Variants in SERPINB7 observed in about 807,000 individuals in gnomAD.
SERPINB7 encodes the protein serpin family B member 7.
In SERPINB7, 31 loss-of-function variants were observed where a neutral mutation model predicts 37.4. That is an observed-to-expected ratio of 0.83 (90% CI 0.62 to 1.12). The LOEUF is 1.12. SERPINB7 is among the 50% of genes most tolerant of loss of function. The pLI is 0.00. For synonymous variants in SERPINB7, 163 were observed against 166.1 expected (o/e 0.98, Z 0.14); for missense variants, 521 against 455.3 (o/e 1.14, Z -1.31).
intron 1 of SERPINB7, among the ~76,000 whole-genome samples, chr18:63,768,853 A>G (rs1255054797): frequency 1.3e-5 from 2 of 152,076 alleles, no homozygotes; most frequent in African/African-American, 4.8e-5. Context: ...CTTTGTTACC[A>G]TAAATCAGAT....
intron 1 of SERPINB7, among the ~76,000 whole-genome samples, chr18:63,766,153 C>A (rs2049179567): frequency 6.6e-6 from 1 of 152,154 alleles, no homozygotes; most frequent in South Asian, 2.1e-4. Context: ...ACAGAAGCTT[C>A]TACTTGCATG....
intron 4 of SERPINB7, among the ~76,000 whole-genome samples, chr18:63,794,719 CA>C (rs11325454): frequency 0.33 from 48,915 of 148,868 alleles, 8,117 homozygotes; most frequent in East Asian, 0.49. Context: ...AACAAAAAAA[CA>C]AAAAAAAAAT....
chr18:63,803,459 T>C (rs1018993650), intron 7 of SERPINB7, among the ~76,000 whole-genome samples: 2 of 152,222 alleles, frequency 1.3e-5, no homozygotes, highest in African/African-American at 4.8e-5. Context: ...TTCTAAACAA[T>C]GTTTATGAAA....
chr18:63,804,783 A>G lies in SERPINB7; in HGVS notation c.*148A>G. 1 of 749,510 alleles carries G rather than the reference A, an allele frequency of 1.3e-6. No homozygotes were observed. The highest frequency in any genetic ancestry group is 2.1e-6 in the Non-Finnish European group (1 of 472,616). 46.4% of individuals were successfully genotyped at this position (749,510 alleles called of 1,614,324 possible). On this transcript the variant is annotated 3_prime_UTR_variant, in exon 8 of 8. Coordinates refer to ENST00000398019, the MANE Select transcript of SERPINB7 (RefSeq NM_003784.4). ...GTCAGCAGATGACACTGGTGACTTGACCCTTCCTAGACACCTGGTTGATTG... is the reference window on the plus strand; with the variant it reads ...GTCAGCAGATGACACTGGTGACTTGGCCCTTCCTAGACACCTGGTTGATTG...
intron 4 of SERPINB7, among the ~76,000 whole-genome samples, chr18:63,795,292 A>G (rs2658457): frequency 0.37 from 56,384 of 151,980 alleles, 11,668 homozygotes; most frequent in African/African-American, 0.56. Context: ...CAGGCGTGGT[A>G]GCTCATGCCT....
Position 63,804,536 on chromosome 18 carries a change from A to G in SERPINB7, c.1044A>G (p.Gln348=), listed in dbSNP as rs764588894. 1.2e-6 allele frequency: 2 copies of G among 1,613,116 alleles called. No individual in the cohort carries two copies. Among genetic ancestry groups the G allele is most frequent in the Non-Finnish European group, 1.7e-6 (2 of 1,179,522 alleles). Reference sequence around the variant, plus strand: ...CAGGAAGTAATATTGTAGAAAAGCAACTCCCTCAGTCCACGCTGTTTAGAG... The same window carrying G: ...CAGGAAGTAATATTGTAGAAAAGCAGCTCCCTCAGTCCACGCTGTTTAGAG... ...AATGSNIVEK[Q]LPQSTLFRAD... Residue 348 remains glutamine (Q), a synonymous_variant, in exon 8 of 8, where the codon CAA becomes CAG. Coordinates refer to ENST00000398019, the MANE Select transcript of SERPINB7 (RefSeq NM_003784.4).
In SERPINB7 at chr18:63,767,953, A is replaced by G. The variant is rs555228105; in HGVS notation, c.-18-14402A>G. Among the ~76,000 whole-genome samples the G allele has an allele frequency of 3.3e-5, 5 of 152,194 alleles. No homozygotes were observed. In the South Asian group the frequency reaches 1.0e-3, roughly 32 times the overall value. On this transcript the variant is annotated intron_variant, in intron 1 of 7. Coordinates refer to the SERPINB7 transcript ENST00000336429. Reference sequence around the variant, plus strand: ...TCTAAGTTGTTAAATTTATGTGCTTAAAGTTATTCCTAGTGTTTTTAAAAA... The same window carrying G: ...TCTAAGTTGTTAAATTTATGTGCTTGAAGTTATTCCTAGTGTTTTTAAAAA...
intron 2 of SERPINB7, among the ~76,000 whole-genome samples, chr18:63,785,572 T>C (rs577698935): frequency 6.6e-6 from 1 of 152,102 alleles, no homozygotes; most frequent in African/African-American, 2.4e-5. Context: ...TAAATATATA[T>C]GTTTACTTGA....
In SERPINB7 at chr18:63,769,357, C is replaced by T. The variant is rs556481843; in HGVS notation, c.-18-12998C>T. 4.6e-5 allele frequency among the ~76,000 whole-genome samples: 7 copies of T among 151,006 alleles called. No homozygotes were observed. In the East Asian group the frequency reaches 1.4e-3, roughly 29 times the overall value. ...CTATTACTATCTATTTTCTATTTTC[C>T]CACTTATTATAAAAGTGTCTGAAAC... On this transcript the variant is annotated intron_variant, in intron 1 of 7. Transcript: ENST00000336429.
chr18:63,779,987 G>A (rs1211136320), intron 1 of SERPINB7, among the ~76,000 whole-genome samples: 1 of 152,062 alleles, frequency 6.6e-6, no homozygotes, highest in African/African-American at 2.4e-5. Flanking sequence ...ATAGCTTCCA[G>A]ACCCCCATTG....
rs1237875449 is a variant in SERPINB7, at chr18:63,804,810, C to G, written c.*175C>G. On this transcript the variant is annotated 3_prime_UTR_variant, in exon 8 of 8. Transcript: ENST00000398019. The stretch of plus-strand genomic sequence containing the variant: ...CCTTCCTAGACACCTGGTTGATTGT[C>G]CTGATCCCTGCTCTTAGCATTCTAC... The G allele has an allele frequency of 1.6e-5, 10 of 612,200 alleles. No individual in the cohort carries two copies. The highest frequency in any genetic ancestry group is 2.8e-5 in the Non-Finnish European group (10 of 354,652). 37.9% of individuals were successfully genotyped at this position (612,200 alleles called of 1,614,324 possible). A position where few individuals can be genotyped will look rare whatever the true frequency, so the allele number is the denominator to read the frequency against.
chr18:63,755,048 C>A (rs377370010), intron 1 of SERPINB7, among the ~76,000 whole-genome samples: 2 of 151,910 alleles, frequency 1.3e-5, no homozygotes, highest in African/African-American at 2.4e-5. Flanking sequence ...TACAGGCGCC[C>A]GCCACCGCGC....
chr18:63,801,323 A>C (rs1401604655), intron 7 of SERPINB7, among the ~76,000 whole-genome samples: 1 of 152,188 alleles, frequency 6.6e-6, no homozygotes, highest in Admixed American at 6.5e-5. Context: ...CCATGAATAC[A>C]GTCTTCTACG....
chr18:63,776,489 G>A (rs555951349), intron 1 of SERPINB7, among the ~76,000 whole-genome samples: 5 of 151,860 alleles, frequency 3.3e-5, no homozygotes, highest in East Asian at 3.9e-4. Flanking sequence ...TATCAGTGGC[G>A]TGGGAGCTGA....
chr18:63,799,921 C>G (rs910376600), intron 6 of SERPINB7, among the ~76,000 whole-genome samples: 4 of 152,164 alleles, frequency 2.6e-5, no homozygotes, highest in African/African-American at 9.7e-5. Context: ...TTTATTGCAC[C>G]TCAGTGTTGT....
chr18:63,777,506 C>T (rs12955867), intron 1 of SERPINB7, among the ~76,000 whole-genome samples: 59,319 of 151,662 alleles, frequency 0.39, 11,916 homozygotes, highest in Middle Eastern at 0.52. Context: ...GTAAGGATAT[C>T]TAAATTTACT....
At chr18:63,770,038 C>T (rs1377048350) in intron 1 of SERPINB7, among the ~76,000 whole-genome samples, 1 of 148,826 alleles carries the variant, frequency 6.7e-6, no homozygotes, top group Non-Finnish European at 1.5e-5. Context: ...GGAGGCAGGA[C>T]ATTGCCGCTT....
chr18:63,804,587 CA>C lies in SERPINB7; in HGVS notation c.1096del (p.Arg366GlyfsTer65). On this transcript the variant is annotated frameshift_variant, in exon 8 of 8. Transcript: ENST00000398019. LOFTEE classifies it high-confidence loss of function. ...CTGACCACCCATTCCTATTTGTTATCAGGAAGGATGACATCATCTTATTCAG... is the reference window on the plus strand; with the variant it reads ...CTGACCACCCATTCCTATTTGTTATCGGAAGGATGACATCATCTTATTCAG... The part of the protein sequence containing the change: ...RADHPFLFVI[R>X]KDDIILFSGK... 1.2e-6 allele frequency: 2 copies of C among 1,613,356 alleles called. No individual in the cohort carries two copies. The highest frequency in any genetic ancestry group is 1.7e-6 in the Non-Finnish European group (2 of 1,179,666).
chr18:63,782,663 C>A (rs2049313089), intron 2 of SERPINB7, 123 bp downstream of exon 2: 1 of 899,542 alleles, frequency 1.1e-6, no homozygotes, highest in Non-Finnish European at 1.7e-6. Context: ...CATCTTCACA[C>A]ATCTCCACGA....
Sources: allele counts gnomAD v4.1 joint callset (sites outside exome capture counted in the v4.1 genomes callset), GRCh38; gene constraint gnomAD v4.1.1; transcripts MANE v1.5; gene names NCBI Gene and HGNC (gene_info 2026-07-23, HGNC 2026-07-21).